The following TASP1 variants were observed in gnomAD, a reference collection of about 807,000 sequenced individuals.
TASP1 encodes the protein taspase 1.
TASP1 carries 16 observed loss-of-function variants against 56.6 expected under a neutral mutation model. The observed-to-expected ratio is 0.28, with a 90% confidence interval of 0.19 to 0.43. The LOEUF (loss-of-function observed/expected upper bound fraction) is 0.43, where lower values mean the gene tolerates loss of function less well. TASP1 is among the 20% of genes least tolerant of loss of function. The pLI is 1.00. For synonymous variants in TASP1, 179 were observed against 184.2 expected (o/e 0.97, Z 0.23); for missense variants, 393 against 511.6 (o/e 0.77, Z 2.24).
chr20:13,169,540 T>A, the TASP1 span, among the ~76,000 whole-genome samples: 1 of 152,150 alleles, frequency 6.6e-6, no homozygotes, highest in Non-Finnish European at 1.5e-5. Flanking sequence ...CAAGTCAAAA[T>A]GACAAGGATG....
the TASP1 span, among the ~76,000 whole-genome samples, chr20:13,126,277 A>C: frequency 6.6e-6 from 1 of 152,214 alleles, no homozygotes; most frequent in African/African-American, 2.4e-5. Flanking sequence ...GTCAGTGCTC[A>C]CACATAGTAG....
the TASP1 span, among the ~76,000 whole-genome samples, chr20:13,347,757 G>A: frequency 1.3e-5 from 2 of 151,742 alleles, no homozygotes; most frequent in Admixed American, 6.6e-5. Context: ...CAGGAAAATC[G>A]CTTGAATCCG....
intron 8 of TASP1, among the ~76,000 whole-genome samples, chr20:13,550,732 C>G (rs1450261889): frequency 4.6e-5 from 7 of 152,088 alleles, no homozygotes; most frequent in African/African-American, 1.7e-4. Flanking sequence ...AGAGTCCCTT[C>G]CAGTCACATC....
intron 5 of TASP1, among the ~76,000 whole-genome samples, chr20:13,586,281 T>C (rs940066189): frequency 1.3e-5 from 2 of 151,694 alleles, no homozygotes; most frequent in African/African-American, 4.8e-5. Context: ...AGAAATTTCA[T>C]ATGCCCATTA....
intron 3 of TASP1, among the ~76,000 whole-genome samples, 167 bp from the exon 4 acceptor site, chr20:13,623,681 T>C (rs2048793293): frequency 6.6e-6 from 1 of 152,238 alleles, no homozygotes; most frequent in South Asian, 2.1e-4. Context: ...CAAGTGTTTA[T>C]ATTCAGGTTA....
chr20:13,254,772 T>C, the TASP1 span, among the ~76,000 whole-genome samples: 3 of 152,344 alleles, frequency 2.0e-5, no homozygotes, highest in Admixed American at 2.0e-4. Flanking sequence ...CTTTTCCACC[T>C]CTGCCAGAGC....
chr20:13,400,431 G>A (rs1235580921), intron 13 of TASP1, among the ~76,000 whole-genome samples: 1 of 152,052 alleles, frequency 6.6e-6, no homozygotes, highest in African/African-American at 2.4e-5. Context: ...GCCATCAATG[G>A]AAGAAATCAA....
At chr20:13,140,836 C>A in the TASP1 span, among the ~76,000 whole-genome samples, 5 of 152,116 alleles carry the variant, frequency 3.3e-5, no homozygotes, top group Non-Finnish European at 1.5e-5. Flanking sequence ...GAAAATACAA[C>A]CATGCCTCTT....
downstream of TASP1, among the ~76,000 whole-genome samples, chr20:13,386,203 T>C (rs1480544502): frequency 6.6e-6 from 1 of 152,182 alleles, no homozygotes; most frequent in Non-Finnish European, 1.5e-5. Flanking sequence ...AAATGAGGGA[T>C]TGTGTAAACC....
intron 12 of TASP1, among the ~76,000 whole-genome samples, chr20:13,427,610 C>T (rs2042661623): frequency 6.6e-6 from 1 of 152,044 alleles, no homozygotes; most frequent in South Asian, 2.1e-4. Flanking sequence ...AGGGGGTAAA[C>T]ACAAAGTAAA....
chr20:13,348,071 A>C, the TASP1 span, among the ~76,000 whole-genome samples: 1 of 152,084 alleles, frequency 6.6e-6, no homozygotes, highest in Non-Finnish European at 1.5e-5. Flanking sequence ...TTAGGGATTG[A>C]GGAGGGTGTT....
intron 9 of TASP1, among the ~76,000 whole-genome samples, chr20:13,529,310 T>C (rs1295444177): frequency 6.6e-6 from 1 of 152,204 alleles, no homozygotes; most frequent in African/African-American, 2.4e-5. Flanking sequence ...TTCTCTTCAA[T>C]ATCCACAATG....
the TASP1 span, among the ~76,000 whole-genome samples, chr20:13,292,083 T>G: frequency 3.3e-5 from 5 of 152,196 alleles, no homozygotes; most frequent in African/African-American, 4.8e-5. Context: ...CATCCTGACA[T>G]GTGTCCCCCA....
rs570535494 is a variant in TASP1, at chr20:13,440,047, A to G, written c.986-4893T>C. On this transcript the variant is annotated intron_variant, in intron 11 of 13. Transcript: ENST00000337743. ...GGTCTAAAAACTTTCAAATGGGAAG[A>G]AAAGATCACATGGAAAGCAATGGTA... 2.6e-5 allele frequency among the ~76,000 whole-genome samples: 4 copies of G among 152,304 alleles called. No homozygotes were observed. The East Asian group carries it at 7.7e-4, about 29-fold the overall frequency.
chr20:13,627,198 A>G (rs1331115247), intron 2 of TASP1, among the ~76,000 whole-genome samples: 1 of 152,180 alleles, frequency 6.6e-6, no homozygotes, highest in Non-Finnish European at 1.5e-5. Flanking sequence ...AGAATCTACT[A>G]CATGAATCAC....
the TASP1 span, among the ~76,000 whole-genome samples, chr20:13,360,453 C>T: frequency 6.6e-6 from 1 of 152,112 alleles, no homozygotes; most frequent in Admixed American, 6.5e-5. Flanking sequence ...ACCCAAGCAC[C>T]TTCTACAAAA....
At chr20:13,491,997 T>C (rs1215331639) in intron 10 of TASP1, among the ~76,000 whole-genome samples, 1 of 152,180 alleles carries the variant, frequency 6.6e-6, no homozygotes, top group Non-Finnish European at 1.5e-5. Context: ...GCAGACTTTT[T>C]GTCTTCTAAA....
chr20:13,439,945 C>T (rs1392746880), intron 11 of TASP1, among the ~76,000 whole-genome samples: 2 of 151,994 alleles, frequency 1.3e-5, no homozygotes, highest in African/African-American at 4.8e-5. Flanking sequence ...CATCAACCTC[C>T]CCGTACAACT....
At chr20:13,164,161 T>G in the TASP1 span, among the ~76,000 whole-genome samples, 1 of 152,122 alleles carries the variant, frequency 6.6e-6, no homozygotes, top group South Asian at 2.1e-4. Flanking sequence ...TTGTTTCATG[T>G]GCAAAATGGG....
Sources: allele counts gnomAD v4.1 joint callset (sites outside exome capture counted in the v4.1 genomes callset), GRCh38; gene constraint gnomAD v4.1.1; transcripts MANE v1.5; gene names NCBI Gene and HGNC (gene_info 2026-07-23, HGNC 2026-07-21).